Variants in C2CD2 observed in about 807,000 individuals in gnomAD.
C2CD2 encodes the protein C2 domain-containing protein 2.
In C2CD2, 43 loss-of-function variants were observed where a neutral mutation model predicts 74.3. That is an observed-to-expected ratio of 0.58 (90% confidence interval 0.45 to 0.75). The LOEUF (loss-of-function observed/expected upper bound fraction) is 0.75. C2CD2 is among the 30% of genes least tolerant of loss of function. The probability of loss-of-function intolerance (pLI) is 0.00; values close to 1 mark genes in which losing one functional copy is unlikely to be tolerated. For synonymous variants in C2CD2, 422 were observed against 390.7 expected, an observed-to-expected ratio of 1.08 and a Z score of -0.94; for missense variants, 801 against 916.3, an observed-to-expected ratio of 0.87 and a Z score of 1.63.
rs748867232 is a variant in C2CD2, at chr21:41,905,838, C to G, written c.1319-1G>C. The G allele has an allele frequency of 2.0e-5, 30 of 1,533,522 alleles. No individual in the cohort carries two copies. The highest frequency in any genetic ancestry group is 2.7e-5 in the Non-Finnish European group (30 of 1,106,580). 95.0% of individuals were successfully genotyped at this position (1,533,522 alleles called of 1,614,324 possible). On this transcript the variant is annotated splice_acceptor_variant, in intron 10 of 13. Coordinates refer to ENST00000380486, the MANE Select transcript of C2CD2 (RefSeq NM_015500.2). LOFTEE classifies it high-confidence loss of function. ...TTGATGGGAGTCTTCACCGGAGAAT[C>G]TGCCAGAGGAAGATCCTGATTACAA... is the stretch of plus-strand genomic sequence containing the variant.
At chr21:41,913,843 T>C (rs1395943918) in intron 6 of C2CD2, among the ~76,000 whole-genome samples, 1 of 152,180 alleles carries the variant, frequency 6.6e-6, no homozygotes, top group Admixed American at 6.5e-5. Context: ...GGTTATCCAT[T>C]CTGTGTTGCT....
chr21:41,891,737 T>C (rs2064756520), intron 13 of C2CD2, among the ~76,000 whole-genome samples: 1 of 152,134 alleles, frequency 6.6e-6, no homozygotes, highest in Admixed American at 6.5e-5. Context: ...CAGCTTCACC[T>C]GGACTGCTCC....
At chr21:41,902,184 GC>G (rs1187610979) in intron 11 of C2CD2, among the ~76,000 whole-genome samples, 3 of 152,128 alleles carry the variant, frequency 2.0e-5, no homozygotes, top group African/African-American at 7.2e-5. Flanking sequence ...GCAAAAGCAA[GC>G]AAACAACAAA....
At chr21:41,894,929 ACCGGTCTG>A (rs1347746236) in intron 13 of C2CD2, 1 of 456,596 alleles carries the variant, frequency 2.2e-6, no homozygotes, top group Non-Finnish European at 4.4e-6. Flanking sequence ...TATGGAATGT[ACCGGTCTG>A]CCCACCTCCA....
At chr21:41,896,972 G>A (rs2064830870) in intron 13 of C2CD2, among the ~76,000 whole-genome samples, 1 of 152,198 alleles carries the variant, frequency 6.6e-6, no homozygotes, top group African/African-American at 2.4e-5. Context: ...TGAAACGCAC[G>A]GCACGGCTGA....
intron 7 of C2CD2, among the ~76,000 whole-genome samples, 189 bp from the exon 8 acceptor site, chr21:41,909,712 A>C (rs2146173241): frequency 6.6e-6 from 1 of 152,308 alleles, no homozygotes; most frequent in African/African-American, 2.4e-5. Context: ...GTTACTGTTA[A>C]TATTCGGTGA....
chr21:41,928,620 A>C (rs1381192085), intron 2 of C2CD2, among the ~76,000 whole-genome samples: 2 of 150,852 alleles, frequency 1.3e-5, no homozygotes, highest in African/African-American at 4.9e-5. Flanking sequence ...ACAAATGTGG[A>C]CAATTTTAAA....
chr21:41,897,987 C>T (rs2064844209), intron 13 of C2CD2, among the ~76,000 whole-genome samples: 1 of 152,244 alleles, frequency 6.6e-6, no homozygotes, highest in Non-Finnish European at 1.5e-5. Context: ...TCTCCAGACA[C>T]TGCCATATTC....
At position 41,948,877 on chromosome 21, in the gene C2CD2, TTTTTTTTTTTTTTTTC is replaced by T. The variant is rs1400256663; in HGVS notation, c.279+4477_279+4492del. ...TCCAAGTCCACACAGCATCTTTTTTTTTTTTTTTTTTTTTTCTTTTTTTTTACAAAGACCATAATGA... is the reference window on the plus strand; with the variant it reads ...TCCAAGTCCACACAGCATCTTTTTTTTTTTTTTTTACAAAGACCATAATGA... On this transcript the variant is annotated intron_variant, in intron 1 of 13. Coordinates refer to ENST00000380486, the MANE Select transcript of C2CD2 (RefSeq NM_015500.2). Among the ~76,000 whole-genome samples the T allele has an allele frequency of 2.7e-3, 344 of 127,824 alleles. 1 individual carries two copies. The highest frequency in any genetic ancestry group is 9.2e-3 in the African/African-American group (329 of 35,956). 83.9% of individuals were successfully genotyped at this position (127,824 alleles called of 152,430 possible).
At position 41,922,033 on chromosome 21, in the gene C2CD2, G is replaced by T; in HGVS notation, c.431C>A (p.Thr144Lys). Residue 144 changes from threonine (T) to lysine (K), a missense_variant, in exon 3 of 14, where the codon ACG becomes AAG. Transcript: ENST00000380486. ...CCGGCATCCAGCACCCAAGGCAGGC[G>T]TCTCGCTGACCAAGAACTGAATAGC... ...GQAIQFLVSE[T>K]PALGAGCRLY... The T allele has an allele frequency of 6.2e-7, 1 of 1,614,072 alleles. No individual in the cohort carries two copies. Among genetic ancestry groups the T allele is most frequent in the Non-Finnish European group, 8.5e-7 (1 of 1,179,934 alleles).
intron 1 of C2CD2, among the ~76,000 whole-genome samples, chr21:41,942,599 C>T (rs2065363960): frequency 6.6e-6 from 1 of 152,214 alleles, no homozygotes. Flanking sequence ...CTGCTTCGTG[C>T]AAATCAGAGG....
chr21:41,899,356 G>T lies in C2CD2; in HGVS notation c.1567C>A (p.Leu523Ile). 6.2e-7 allele frequency: 1 copy of T among 1,604,808 alleles called. No individual in the cohort carries two copies. The change falls in exon 13 of 14, where the codon CTA (leucine) becomes ATA (isoleucine). Residue 523 changes from leucine to isoleucine, a missense_variant. By Grantham distance (5) the Leu-to-Ile change is conservative. Transcript: ENST00000380486. This position sits in a 1 kb window ranked among gnomAD's most constrained non-coding sequence, Gnocchi z 4.4. Reference sequence around the variant, plus strand: ...AGGGCAGCGTCGTGGTCCTGAGATAGTGAGGTCTGTCAGGGGCAGTGGGGA... The same window carrying T: ...AGGGCAGCGTCGTGGTCCTGAGATATTGAGGTCTGTCAGGGGCAGTGGGGA... ...IIISGISKTS[L>I]SQDHDAALMQ...
chr21:41,901,262 G>A lies in C2CD2; in HGVS notation c.1560+360C>T, dbSNP rs75196775. ...GTAAAAGGCTTTGGAAACGTGTCAC[G>A]TGGAAAGTGAAAGTTCCCCGTGACT... On this transcript the variant is annotated intron_variant, in intron 12 of 13. Coordinates refer to ENST00000380486, the MANE Select transcript of C2CD2 (RefSeq NM_015500.2). 5.3e-5 allele frequency: 18 copies of A among 338,788 alleles called. 2 individuals are homozygous for A. Among genetic ancestry groups the A allele is most frequent in the Admixed American group, 2.5e-4 (6 of 23,550 alleles). 21.0% of individuals were successfully genotyped at this position (338,788 alleles called of 1,614,324 possible).
intron 13 of C2CD2, among the ~76,000 whole-genome samples, chr21:41,898,573 G>T (rs2064851161): frequency 6.6e-6 from 1 of 152,186 alleles, no homozygotes; most frequent in African/African-American, 2.4e-5. Context: ...TTATTCCCAG[G>T]AGCTTTTCTC....
At chr21:41,890,020 T>C (rs909644533) in intron 13 of C2CD2, among the ~76,000 whole-genome samples, 5 of 152,138 alleles carry the variant, frequency 3.3e-5, no homozygotes, top group African/African-American at 1.2e-4. Flanking sequence ...GTCCCCTCTG[T>C]GCCACCCACT....
intron 3 of C2CD2, among the ~76,000 whole-genome samples, chr21:41,920,083 A>G (rs1170312393): frequency 2.0e-5 from 3 of 152,360 alleles, no homozygotes; most frequent in African/African-American, 7.2e-5. Context: ...ACTGACAGCC[A>G]CAAGAAAATG....
At chr21:41,917,738 CG>C (rs1052177850) in intron 5 of C2CD2, among the ~76,000 whole-genome samples, 6 of 152,188 alleles carry the variant, frequency 3.9e-5, no homozygotes, top group African/African-American at 1.4e-4. Flanking sequence ...GGCAGCAGGC[CG>C]GCCCTAGCCC....
intron 10 of C2CD2, among the ~76,000 whole-genome samples, chr21:41,906,583 T>C (rs1294608677): frequency 6.6e-6 from 1 of 152,218 alleles, no homozygotes; most frequent in Non-Finnish European, 1.5e-5. Context: ...CAGGCTGGTC[T>C]CAGACTCCTG....
rs891845751 is a variant in C2CD2, at chr21:41,887,561, A to G, written c.*1563T>C. The G allele has an allele frequency of 3.9e-5, 6 of 152,122 alleles. No individual in the cohort carries two copies. Among genetic ancestry groups the G allele is most frequent in the Admixed American group, 1.3e-4 (2 of 15,300 alleles). 9.4% of individuals were successfully genotyped at this position (152,122 alleles called of 1,614,324 possible). A position where few individuals can be genotyped will look rare whatever the true frequency, so the allele number is the denominator to read the frequency against. The stretch of plus-strand genomic sequence containing the variant: ...TTTTTACTAAAAAAGAAAAAATCCT[A>G]TAATTTTGGTTTTTATATAGGTTTT... On this transcript the variant is annotated 3_prime_UTR_variant, in exon 14 of 14. Transcript: ENST00000380486.
Sources: gnomAD v4.1 joint callset for allele counts (sites outside exome capture counted in the v4.1 genomes callset) on GRCh38, gnomAD v4.1.1 for gene constraint, Gnocchi (gnomAD v3.1) non-coding constraint, MANE v1.5 for transcripts, NCBI Gene and HGNC (gene_info 2026-07-23, HGNC 2026-07-21) for gene names.